The following AOX1 variants were observed in gnomAD, a reference collection of about 807,000 sequenced individuals.
AOX1 encodes aldehyde oxidase 1.
A neutral mutation model predicts 169.5 loss-of-function variants in AOX1; 153 were observed. That is an observed-to-expected ratio of 0.90 (90% CI 0.79 to 1.03). AOX1 has a LOEUF of 1.03. AOX1 is among the 50% of genes least tolerant of loss of function. The pLI is 0.00. For synonymous variants in AOX1, 562 were observed against 581.9 expected (o/e 0.97, Z 0.49); for missense variants, 1,656 against 1,663.9 (o/e 1.00, Z 0.08).
At chr2:200,629,486 T>C (rs1398735046) in intron 20 of AOX1, among the ~76,000 whole-genome samples, 1 of 152,170 alleles carries the variant, frequency 6.6e-6, no homozygotes, top group Non-Finnish European at 1.5e-5. Context: ...GTTTCCAAGA[T>C]TTTCTCCTTA....
At chr2:200,637,827 C>G (rs534189240) in intron 22 of AOX1, among the ~76,000 whole-genome samples, 106 of 152,226 alleles carry the variant, frequency 7.0e-4, no homozygotes, top group African/African-American at 2.5e-3. Flanking sequence ...GCAAAAATAC[C>G]TTGATTCCAG....
chr2:200,623,756 C>T (rs1244437644), intron 18 of AOX1, 105 bp from the exon 19 acceptor site: 2 of 1,539,478 alleles, frequency 1.3e-6, no homozygotes, highest in Non-Finnish European at 8.9e-7. Context: ...GTGTATCTAG[C>T]CCTAGCCCTA....
At chr2:200,668,147 C>A (rs780377867) in intron 32 of AOX1, among the ~76,000 whole-genome samples, 1 of 150,664 alleles carries the variant, frequency 6.6e-6, no homozygotes, top group Non-Finnish European at 1.5e-5. Flanking sequence ...CTCTTGTTGC[C>A]CGGGCTGGAG....
chr2:200,663,006 A>G, intron 31 of AOX1, 37 bp downstream of exon 31: 2 of 1,522,322 alleles, frequency 1.3e-6, no homozygotes, highest in Non-Finnish European at 1.8e-6. Context: ...AGTTGCACTT[A>G]GGATGCACCT....
chr2:200,657,645 TA>T (rs1366301067), intron 27 of AOX1, among the ~76,000 whole-genome samples: 1 of 152,202 alleles, frequency 6.6e-6, no homozygotes, highest in African/African-American at 2.4e-5. Context: ...CTTTTTGTAT[TA>T]CAGGCTCCGA....
At chr2:200,642,824 GA>G (rs755699180) in intron 25 of AOX1, 23 bp downstream of exon 25, 1 of 1,600,208 alleles carries the variant, frequency 6.2e-7, no homozygotes, top group Admixed American at 1.7e-5. Flanking sequence ...CAGCTTCACA[GA>G]CAAAACATGT....
intron 24 of AOX1, among the ~76,000 whole-genome samples, 168 bp from the exon 25 acceptor site, chr2:200,642,442 A>C (rs2035369700): frequency 6.7e-6 from 1 of 149,288 alleles, no homozygotes; most frequent in African/African-American, 2.5e-5. Context: ...AATACTTAAA[A>C]ATTATTTTAC....
rs776264720 is a variant in AOX1, at chr2:200,670,645, C to A, written c.3983C>A (p.Pro1328His). ...TTATTTTAGATTCCGAGAGATGAAC[C>A]TGGATCCTACGTTCCTTGGAATGTA... is the stretch of plus-strand genomic sequence containing the variant. ...KFTKMIPRDE[P>H]GSYVPWNVPI Residue 1328 changes from proline (P) to histidine (H), a missense_variant, in exon 35 of 35, where the codon CCT becomes CAT. Transcript: ENST00000374700. The A allele has an allele frequency of 6.2e-7, 1 of 1,612,664 alleles. No homozygotes were observed. Among genetic ancestry groups the A allele is most frequent in the Non-Finnish European group, 8.5e-7 (1 of 1,179,510 alleles).
intron 6 of AOX1, among the ~76,000 whole-genome samples, 195 bp downstream of exon 6, chr2:200,602,540 A>G (rs2034440215): frequency 6.6e-6 from 1 of 152,056 alleles, no homozygotes; most frequent in African/African-American, 2.4e-5. Context: ...TGGTGGTCGC[A>G]TAATGAACAC....
intron 31 of AOX1, among the ~76,000 whole-genome samples, chr2:200,665,274 GC>G (rs1240341518): frequency 6.6e-6 from 1 of 152,220 alleles, no homozygotes; most frequent in Non-Finnish European, 1.5e-5. Context: ...AAACAGGCTG[GC>G]CTGGTAGAGT....
chr2:200,668,725 C>G lies in AOX1; in HGVS notation c.3720C>G (p.Ala1240=), dbSNP rs139398372. 14 of 1,614,080 alleles carry G rather than the reference C, an allele frequency of 8.7e-6. No homozygotes were observed. Among genetic ancestry groups the G allele is most frequent in the Admixed American group, 1.7e-5 (1 of 59,996 alleles). ...TRGPDQYKIP[A]ICDMPTELHI... is the part of the protein sequence containing the mutation. ...GTCCAGACCAATATAAAATCCCTGC[C>G]ATCTGTGACATGCCCACGGAGTTGC... Residue 1240 remains alanine (A), a synonymous_variant, in exon 33 of 35, where the codon GCC becomes GCG. Coordinates refer to ENST00000374700, the MANE Select transcript of AOX1 (RefSeq NM_001159.4).
intron 25 of AOX1, among the ~76,000 whole-genome samples, chr2:200,646,990 ATAGT>A (rs1438176485): frequency 2.6e-5 from 4 of 152,092 alleles, no homozygotes; most frequent in African/African-American, 4.8e-5. Context: ...AAGGGAACAG[ATAGT>A]TGGTTGGTGA....
chr2:200,630,384 G>A (rs2035092670), intron 20 of AOX1, among the ~76,000 whole-genome samples: 2 of 152,020 alleles, frequency 1.3e-5, no homozygotes, highest in Middle Eastern at 3.4e-3. Context: ...TTAGCCAGGT[G>A]TGGTGACAAA....
intron 21 of AOX1, among the ~76,000 whole-genome samples, chr2:200,635,553 T>G (rs894326425): frequency 1.3e-5 from 2 of 151,868 alleles, no homozygotes; most frequent in African/African-American, 4.8e-5. Context: ...AGAATGAGAG[T>G]GAGGTTTGTC....
rs531307171 is a variant in AOX1, at chr2:200,611,539, A to C, written c.1263+46A>C. Reference sequence around the variant, plus strand: ...ATTTCCCAGTTGCACCTGTGATGCTATGGCTTGTTTATTCCAGTATATGGT... The same window carrying C: ...ATTTCCCAGTTGCACCTGTGATGCTCTGGCTTGTTTATTCCAGTATATGGT... On this transcript the variant is annotated intron_variant, in intron 13 of 34. Transcript: ENST00000374700. The C allele has an allele frequency of 4.0e-6, 5 of 1,239,724 alleles. No homozygotes were observed. The East Asian group carries it at 1.2e-4, about 29-fold the overall frequency. 76.8% of individuals were successfully genotyped at this position (1,239,724 alleles called of 1,614,324 possible). A position where few individuals can be genotyped will look rare whatever the true frequency, so the allele number is the denominator to read the frequency against.
At chr2:200,632,324 A>G (rs1272446955) in intron 20 of AOX1, among the ~76,000 whole-genome samples, 1 of 150,840 alleles carries the variant, frequency 6.6e-6, no homozygotes, top group Non-Finnish European at 1.5e-5. Flanking sequence ...CATATATAAA[A>G]TAAAATTTAT....
intron 20 of AOX1, among the ~76,000 whole-genome samples, chr2:200,632,129 C>T (rs1454349983): frequency 6.6e-6 from 1 of 151,984 alleles, no homozygotes; most frequent in Non-Finnish European, 1.5e-5. Flanking sequence ...ACATGATCGT[C>T]AGTAATAATT....
intron 12 of AOX1, 113 bp downstream of exon 12, chr2:200,609,527 A>G (rs188490051): frequency 1.2e-6 from 1 of 837,092 alleles, no homozygotes; most frequent in Non-Finnish European, 2.0e-6. Flanking sequence ...ATATCAATAC[A>G]TTTCTCTGCT....
intron 34 of AOX1, among the ~76,000 whole-genome samples, 176 bp downstream of exon 34, chr2:200,669,918 C>T (rs755469787): frequency 7.2e-5 from 11 of 152,042 alleles, no homozygotes; most frequent in Non-Finnish European, 1.5e-4. Context: ...TTGTACCCCT[C>T]GGGTTGCATT....
Sources: gnomAD v4.1 joint callset for allele counts (sites outside exome capture counted in the v4.1 genomes callset) on GRCh38, gnomAD v4.1.1 for gene constraint, MANE v1.5 for transcripts, NCBI Gene and HGNC (gene_info 2026-07-23, HGNC 2026-07-21) for gene names.